ACSS1: variants seen among roughly 807,000 people sequenced by gnomAD.
ACSS1 encodes the protein acetyl-coenzyme A synthetase 2-like, mitochondrial.
A neutral mutation model predicts 75.3 loss-of-function variants in ACSS1; 42 were observed. The ratio of observed to expected loss-of-function variants is 0.56; its 90% CI spans 0.44 to 0.72. The LOEUF is 0.72. ACSS1 is among the 30% of genes least tolerant of loss of function. The pLI is 0.00. For synonymous variants in ACSS1, 380 were observed against 376.8 expected (o/e 1.01, Z -0.10); for missense variants, 782 against 935.7 (o/e 0.84, Z 2.14).
chr20:25,045,537 C>A (rs1220488923), intron 2 of ACSS1, among the ~76,000 whole-genome samples: 2 of 152,250 alleles, frequency 1.3e-5, no homozygotes, highest in Admixed American at 1.3e-4. Context: ...GCGTCCCAAC[C>A]TCTACCAGCC....
chr20:25,025,692 T>G (rs190117199), intron 3 of ACSS1, among the ~76,000 whole-genome samples: 1 of 152,256 alleles, frequency 6.6e-6, no homozygotes, highest in East Asian at 1.9e-4. Flanking sequence ...GGTCGCCTTT[T>G]CCTTGCTGAC....
chr20:25,032,765 G>T, intron 2 of ACSS1: 1 of 982,504 alleles, frequency 1.0e-6, no homozygotes, highest in Non-Finnish European at 1.2e-6. Context: ...ATGAAAATGA[G>T]CTGTCCGCAT....
intron 1 of ACSS1, among the ~76,000 whole-genome samples, chr20:25,056,723 C>T (rs964279624): frequency 6.6e-6 from 1 of 152,144 alleles, no homozygotes; most frequent in African/African-American, 2.4e-5. Context: ...GCCCTGGTGA[C>T]CCTGCCATAA....
intron 1 of ACSS1, among the ~76,000 whole-genome samples, chr20:25,051,024 G>A (rs111301557): frequency 2.6e-5 from 4 of 152,204 alleles, no homozygotes; most frequent in African/African-American, 7.2e-5. Flanking sequence ...TCAAAAAGTG[G>A]CCACCAAGGC....
chr20:25,046,790 G>T, intron 2 of ACSS1: 1 of 779,554 alleles, frequency 1.3e-6, no homozygotes, highest in Non-Finnish European at 2.4e-6. Context: ...CTGGGGGGCC[G>T]CTCAGTTGTC....
At chr20:25,055,941 G>A (rs1025837445) in intron 1 of ACSS1, among the ~76,000 whole-genome samples, 1 of 152,202 alleles carries the variant, frequency 6.6e-6, no homozygotes, top group Non-Finnish European at 1.5e-5. Flanking sequence ...AGATATTGCT[G>A]ACCCATGAAC....
chr20:25,051,702 G>C (rs1381551289), intron 1 of ACSS1, among the ~76,000 whole-genome samples: 1 of 152,214 alleles, frequency 6.6e-6, no homozygotes, highest in Non-Finnish European at 1.5e-5. Flanking sequence ...CTTTGGGACA[G>C]GGGTGATTAC....
intron 3 of ACSS1, among the ~76,000 whole-genome samples, chr20:25,027,303 T>C (rs994026286): frequency 1.3e-5 from 2 of 152,192 alleles, no homozygotes; most frequent in Non-Finnish European, 2.9e-5. Context: ...AGGCCAGCAT[T>C]ACCCTGATAC....
At chr20:25,043,761 GC>G (rs1037539012) in intron 2 of ACSS1, among the ~76,000 whole-genome samples, 3 of 152,194 alleles carry the variant, frequency 2.0e-5, no homozygotes, top group African/African-American at 7.2e-5. Context: ...CAGACTCGGG[GC>G]CCAGCTCTGC....
In ACSS1 at chr20:25,043,025, A is replaced by T. The variant is rs2089028508; in HGVS notation, c.431+5060T>A. Among the ~76,000 whole-genome samples the T allele has an allele frequency of 2.0e-5, 3 of 151,986 alleles. No individual in the cohort carries two copies. In the South Asian group the frequency reaches 6.2e-4, roughly 32 times the overall value. ...CCACAGCCAGGGTCAGGCTGGGCAGAGCACAGCCTCCTGCCTCCACCAGGT... is the reference window on the plus strand; with the variant it reads ...CCACAGCCAGGGTCAGGCTGGGCAGTGCACAGCCTCCTGCCTCCACCAGGT... On this transcript the variant is annotated intron_variant, in intron 2 of 13. Coordinates refer to ENST00000323482, the MANE Select transcript of ACSS1 (RefSeq NM_032501.4).
At chr20:25,045,134 G>A (rs1039818727) in intron 2 of ACSS1, among the ~76,000 whole-genome samples, 1 of 152,166 alleles carries the variant, frequency 6.6e-6, no homozygotes, top group African/African-American at 2.4e-5. Flanking sequence ...TAGTGCGTTC[G>A]GGCTGTCATC....
At chr20:25,037,189 T>G (rs1175214192) in intron 2 of ACSS1, among the ~76,000 whole-genome samples, 1 of 152,150 alleles carries the variant, frequency 6.6e-6, no homozygotes, top group Non-Finnish European at 1.5e-5. Context: ...GGGTTTTGCT[T>G]ATTGCCTTCC....
In ACSS1 at chr20:25,030,764, T is replaced by G. The variant is rs201515743; in HGVS notation, c.626A>C (p.Asn209Thr). The G allele has an allele frequency of 6.8e-6, 11 of 1,613,958 alleles. No homozygotes were observed. The highest frequency in any genetic ancestry group is 8.5e-6 in the Non-Finnish European group (10 of 1,179,964). Residue 209 changes from asparagine to threonine, a missense_variant, in exon 3 of 14, where the codon AAT becomes ACT. This residue lies in a region of ACSS1 where 377 missense variants were observed against 383.1 expected (regional missense o/e 0.98). Coordinates refer to ENST00000323482, the MANE Select transcript of ACSS1 (RefSeq NM_032501.4). ...CCCCATGCCCACCTCCTCACCATCATTGATCCTCCCAGCCAAGGACTCTGC... is the reference window on the plus strand; with the variant it reads ...CCCCATGCCCACCTCCTCACCATCAGTGATCCTCCCAGCCAAGGACTCTGC... ...FSAESLAGRI[N>T]DAKCKVVITF...
intron 1 of ACSS1, among the ~76,000 whole-genome samples, chr20:25,051,768 A>G (rs1568851379): frequency 6.6e-6 from 1 of 152,018 alleles, no homozygotes; most frequent in African/African-American, 2.4e-5. Context: ...ACCACTAAAA[A>G]CTCAGGGTCT....
rs1303673374 is a variant in ACSS1 at position 25,048,160 on chromosome 20, A to G, written c.356T>C (p.Val119Ala). The change falls in exon 2 of 14, where the codon GTT (valine) becomes GCT (alanine). Residue 119 changes from valine (V) to alanine (A), a missense_variant. Coordinates refer to ENST00000323482, the MANE Select transcript of ACSS1 (RefSeq NM_032501.4). ...NVSVNCLDQH[V>A]RKSPESVALI... Reference sequence around the variant, plus strand: ...AGCAACGCTCTCGGGGGACTTCCGAACATGCTGGTCCAAGCAGTTGACTGT... The same window carrying G: ...AGCAACGCTCTCGGGGGACTTCCGAGCATGCTGGTCCAAGCAGTTGACTGT... 1.9e-6 allele frequency: 3 copies of G among 1,613,514 alleles called. No homozygotes were observed. Among genetic ancestry groups the G allele is most frequent in the Non-Finnish European group, 2.5e-6 (3 of 1,179,980 alleles).
At chr20:25,045,217 G>C (rs532880412) in intron 2 of ACSS1, among the ~76,000 whole-genome samples, 43 of 152,184 alleles carry the variant, frequency 2.8e-4, no homozygotes, top group Non-Finnish European at 4.4e-5. Flanking sequence ...AGTCACACCC[G>C]GGGAGATTAG....
At chr20:25,014,251 C>T (rs918391751) in intron 8 of ACSS1, among the ~76,000 whole-genome samples, 178 bp from the exon 9 acceptor site, 7 of 152,166 alleles carry the variant, frequency 4.6e-5, no homozygotes, top group Non-Finnish European at 8.8e-5. Context: ...ATATGAGAGG[C>T]GGCCCCACAG....
chr20:25,006,648 G>A lies in ACSS1; in HGVS notation c.*1114C>T, dbSNP rs2088313356. 4 of 668,308 alleles carry A rather than the reference G, an allele frequency of 6.0e-6. No homozygotes were observed. The highest frequency in any genetic ancestry group is 3.1e-5 in the Admixed American group (1 of 32,140). 41.4% of individuals were successfully genotyped at this position (668,308 alleles called of 1,614,324 possible). ...ACTGGGCCTCCTTCCCCTGCCAACC[G>A]CCAGCCCCTGCATGCCTAGCAGGGA... On this transcript the variant is annotated 3_prime_UTR_variant, in exon 14 of 14. Coordinates refer to ENST00000323482, the MANE Select transcript of ACSS1 (RefSeq NM_032501.4).
chr20:25,040,969 G>A (rs1161385250), intron 2 of ACSS1, among the ~76,000 whole-genome samples: 1 of 152,228 alleles, frequency 6.6e-6, no homozygotes, highest in Non-Finnish European at 1.5e-5. Flanking sequence ...ATAAAAACCT[G>A]TTAATTTGTC....
Sources: gnomAD v4.1 joint callset for allele counts (sites outside exome capture counted in the v4.1 genomes callset) on GRCh38, gnomAD v4.1.1 for gene constraint, gnomAD v4.1.1 regional missense constraint, MANE v1.5 for transcripts, NCBI Gene and HGNC (gene_info 2026-07-23, HGNC 2026-07-21) for gene names.